Variants in VPS54 observed in about 807,000 individuals in gnomAD.
The protein encoded by VPS54 is VPS54 subunit of GARP complex.
In VPS54, 45 loss-of-function variants were observed where a neutral mutation model predicts 121.5. That is an observed-to-expected ratio of 0.37 (90% CI 0.29 to 0.47). The LOEUF (loss-of-function observed/expected upper bound fraction) is 0.47, where lower values mean the gene tolerates loss of function less well. Among genes scored for constraint, VPS54 ranks in the 20% least tolerant of loss-of-function variants. VPS54 has a pLI of 0.99. For synonymous variants in VPS54, 371 were observed against 385.8 expected, an observed-to-expected ratio of 0.96 and a Z score of 0.45; for missense variants, 1,090 against 1,131.4, an observed-to-expected ratio of 0.96 and a Z score of 0.52.
intron 1 of VPS54, among the ~76,000 whole-genome samples, chr2:64,004,109 T>C (rs1474182040): frequency 6.6e-6 from 1 of 152,018 alleles, no homozygotes; most frequent in African/African-American, 2.4e-5. Flanking sequence ...AACTTGAGCA[T>C]ATTTTTTTAA....
intron 11 of VPS54, among the ~76,000 whole-genome samples, 168 bp downstream of exon 11, chr2:63,942,297 A>C (rs1423138941): frequency 6.6e-6 from 1 of 152,102 alleles, no homozygotes; most frequent in Non-Finnish European, 1.5e-5. Flanking sequence ...TAAAACTGTC[A>C]AACTCTGAGG....
intron 10 of VPS54, among the ~76,000 whole-genome samples, chr2:63,944,281 C>T (rs1392940226): frequency 1.3e-5 from 2 of 152,130 alleles, no homozygotes; most frequent in African/African-American, 4.8e-5. Context: ...CATTGAGGAG[C>T]CCTTACAAAA....
rs759923569 is a variant in VPS54 at position 63,912,507 on chromosome 2, T to A, written c.2544+33A>T. On this transcript the variant is annotated intron_variant, in intron 19 of 22. Coordinates refer to ENST00000272322, the MANE Select transcript of VPS54 (RefSeq NM_016516.3). The stretch of plus-strand genomic sequence containing the variant: ...CTTAACAATTAAGGATCTAAACTTA[T>A]GAAACGCCAATAGAAAATATATGAA... 8 of 1,611,296 alleles carry A rather than the reference T, an allele frequency of 5.0e-6. No individual in the cohort carries two copies. In the Middle Eastern group the frequency reaches 5.0e-4, roughly 100 times the overall value.
At chr2:64,004,909 G>T (rs914345925) in intron 1 of VPS54, among the ~76,000 whole-genome samples, 2 of 151,920 alleles carry the variant, frequency 1.3e-5, no homozygotes, top group Admixed American at 6.6e-5. Context: ...CTCCTGAGTA[G>T]CTGGGACCAC....
chr2:63,903,237 T>C (rs1376774668), intron 20 of VPS54, among the ~76,000 whole-genome samples: 2 of 152,184 alleles, frequency 1.3e-5, no homozygotes, highest in African/African-American at 4.8e-5. Flanking sequence ...AACAATGAAT[T>C]ACAGCAGACT....
rs149492196 is a variant in VPS54 at position 64,002,530 on chromosome 2, G to C, written c.-21+16408C>G. Among the ~76,000 whole-genome samples the C allele has an allele frequency of 4.7e-3, 716 of 152,222 alleles. 5 individuals carry two copies. The highest frequency in any genetic ancestry group is 0.021 in the South Asian group (103 of 4,826). ...CCATTGCTTAATGTCAGATAAATTA[G>C]ATATTCATTCTGACAATACTATGTT... On this transcript the variant is annotated intron_variant, in intron 1 of 22. Coordinates refer to ENST00000272322, the MANE Select transcript of VPS54 (RefSeq NM_016516.3).
chr2:64,017,359 C>CA (rs896455512), intron 1 of VPS54, among the ~76,000 whole-genome samples: 86 of 104,822 alleles, frequency 8.2e-4, no homozygotes, highest in African/African-American at 1.8e-3. Flanking sequence ...AGAAAAGAAA[C>CA]AAAAAAAAAG....
At chr2:63,934,705 T>C (rs948568563) in intron 11 of VPS54, among the ~76,000 whole-genome samples, 1 of 152,182 alleles carries the variant, frequency 6.6e-6, no homozygotes, top group Non-Finnish European at 1.5e-5. Flanking sequence ...CATTTATCAT[T>C]ATGTACAATT....
chr2:63,913,784 A>G, intron 17 of VPS54: 1 of 940,404 alleles, frequency 1.1e-6, no homozygotes. Flanking sequence ...TTCATTTTAT[A>G]TCAATGGTTC....
intron 12 of VPS54, among the ~76,000 whole-genome samples, chr2:63,924,766 T>G (rs1047171313): frequency 1.3e-5 from 2 of 152,200 alleles, no homozygotes; most frequent in Non-Finnish European, 2.9e-5. Flanking sequence ...CAGAAACAGA[T>G]ACGCCTATCT....
chr2:63,920,483 C>T lies in VPS54; in HGVS notation c.2014G>A (p.Val672Ile). ...GALQSQAIKF[V>I]NRFHEERKTK... ...TTTCTCTCTTCATGAAACCTATTTACAAACTTAATAGCTTGGCTCTGAAGT... is the reference window on the plus strand; with the variant it reads ...TTTCTCTCTTCATGAAACCTATTTATAAACTTAATAGCTTGGCTCTGAAGT... The change falls in exon 14 of 23, where the codon GTA becomes ATA. Residue 672 changes from valine (V) to isoleucine (I), a missense_variant. By Grantham distance (29) the Val-to-Ile change is conservative. Transcript: ENST00000272322. 1 of 1,565,998 alleles carries T rather than the reference C, an allele frequency of 6.4e-7. No individual in the cohort carries two copies. Among genetic ancestry groups the T allele is most frequent in the Non-Finnish European group, 8.6e-7 (1 of 1,157,184 alleles).
chr2:63,895,279 A>G (rs1278913167), intron 22 of VPS54, among the ~76,000 whole-genome samples: 1 of 152,126 alleles, frequency 6.6e-6, no homozygotes, highest in Non-Finnish European at 1.5e-5. Flanking sequence ...AACATGGTAA[A>G]ACCGTCTCTA....
At chr2:63,998,835 TATC>T (rs1019920377) in intron 1 of VPS54, among the ~76,000 whole-genome samples, 2 of 152,208 alleles carry the variant, frequency 1.3e-5, no homozygotes, top group Non-Finnish European at 2.9e-5. Flanking sequence ...ACACACCAGT[TATC>T]ATGTTATAAT....
chr2:63,924,038 G>T (rs189522133), intron 12 of VPS54, among the ~76,000 whole-genome samples: 1 of 152,304 alleles, frequency 6.6e-6, no homozygotes, highest in East Asian at 1.9e-4. Flanking sequence ...ACCATCTACA[G>T]AACCTATGCT....
At chr2:63,978,837 C>G (rs1676666783) in intron 3 of VPS54, among the ~76,000 whole-genome samples, 1 of 152,142 alleles carries the variant, frequency 6.6e-6, no homozygotes, top group Non-Finnish European at 1.5e-5. Flanking sequence ...CCAGGCTGGT[C>G]TCGAACTCTT....
intron 1 of VPS54, 41 bp from the exon 2 acceptor site, chr2:63,984,060 C>A (rs1181151392): frequency 1.3e-6 from 2 of 1,489,328 alleles, no homozygotes; most frequent in South Asian, 1.4e-5. Flanking sequence ...CACCGCAAAT[C>A]AAAATCCAAG....
At chr2:63,909,850 G>A (rs1293443070) in intron 20 of VPS54, among the ~76,000 whole-genome samples, 6 of 148,654 alleles carry the variant, frequency 4.0e-5, no homozygotes, top group East Asian at 2.0e-4. Context: ...TCAGCCTCCC[G>A]AGTAGCTGGG....
chr2:63,955,028 A>G (rs1330480956), intron 7 of VPS54, among the ~76,000 whole-genome samples: 2 of 152,154 alleles, frequency 1.3e-5, no homozygotes, highest in Middle Eastern at 3.4e-3. Flanking sequence ...CTGACTAGCT[A>G]TATTTGAAAA....
At chr2:63,970,600 C>CAA (rs1676240518) in intron 4 of VPS54, among the ~76,000 whole-genome samples, 1 of 152,118 alleles carries the variant, frequency 6.6e-6, no homozygotes, top group Non-Finnish European at 1.5e-5. Context: ...AAGGAGACTT[C>CAA]TCAGTGTACA....
Sources: allele counts gnomAD v4.1 joint callset (sites outside exome capture counted in the v4.1 genomes callset), GRCh38; gene constraint gnomAD v4.1.1; transcripts MANE v1.5; gene names NCBI Gene and HGNC (gene_info 2026-07-23, HGNC 2026-07-21).